RGS5: variants seen among roughly 807,000 people sequenced by gnomAD.
RGS5 encodes the protein regulator of G-protein signalling 5.
A neutral mutation model predicts 18.9 loss-of-function variants in RGS5; 20 were observed. That is an observed-to-expected ratio of 1.06 (90% CI 0.74 to 1.54). The LOEUF (loss-of-function observed/expected upper bound fraction) is 1.54. Among genes scored for constraint, RGS5 ranks in the 40% most tolerant of loss-of-function variants. The pLI is 0.00. For missense variants in RGS5, 201 were observed against 211.8 expected, an observed-to-expected ratio of 0.95 and a Z score of 0.32; for synonymous variants, 57 against 76.2, an observed-to-expected ratio of 0.75 and a Z score of 1.31.
chr1:163,205,929 A>T (rs1326830507), upstream of RGS5, among the ~76,000 whole-genome samples: 1 of 152,226 alleles, frequency 6.6e-6, no homozygotes, highest in East Asian at 1.9e-4. Context: ...CATGGTGAAC[A>T]GACGTCTATT....
At chr1:163,288,873 C>A (rs188319065) in intron 2 of RGS5, among the ~76,000 whole-genome samples, 2 of 152,144 alleles carry the variant, frequency 1.3e-5, no homozygotes, top group East Asian at 3.9e-4. Flanking sequence ...TTAGGCAACA[C>A]CATCTGTACT....
chr1:163,203,686 T>C (rs1659860143), upstream of RGS5, among the ~76,000 whole-genome samples: 1 of 152,330 alleles, frequency 6.6e-6, no homozygotes, highest in East Asian at 1.9e-4. Flanking sequence ...ATCTCTGAAC[T>C]CTGTTAATTC....
At chr1:163,290,696 T>G (rs116034316) in intron 2 of RGS5, among the ~76,000 whole-genome samples, 2,109 of 152,012 alleles carry the variant, frequency 0.014, 61 homozygotes, top group African/African-American at 0.048. Context: ...TCTCACACTT[T>G]AGGGCTTCCA....
chr1:163,222,989 C>A lies in RGS5; in HGVS notation c.-280-54621G>T, dbSNP rs562778048. 7.2e-5 allele frequency among the ~76,000 whole-genome samples: 11 copies of A among 152,184 alleles called. No individual in the cohort carries two copies. In the South Asian group the frequency reaches 2.1e-3, roughly 29 times the overall value. ...CCTCCCAAGTAGCTGTGATTACAGACGTGCACCACCACATTTGGCTAATTT... is the reference window on the plus strand; with the variant it reads ...CCTCCCAAGTAGCTGTGATTACAGAAGTGCACCACCACATTTGGCTAATTT... On this transcript the variant is annotated intron_variant, in intron 2 of 5. Transcript: ENST00000618415.
At chr1:163,167,763 G>A (rs1472708696) in intron 2 of RGS5, among the ~76,000 whole-genome samples, 2 of 152,182 alleles carry the variant, frequency 1.3e-5, no homozygotes, top group Non-Finnish European at 2.9e-5. Flanking sequence ...CTATCTTGGA[G>A]AAGGAACGAT....
intron 2 of RGS5, among the ~76,000 whole-genome samples, chr1:163,278,521 A>G (rs1468171785): frequency 1.3e-5 from 2 of 152,146 alleles, no homozygotes; most frequent in East Asian, 3.8e-4. Flanking sequence ...ATTATCATGA[A>G]AACACAGAAG....
At chr1:163,148,725 G>A (rs1316827346) in intron 4 of RGS5, among the ~76,000 whole-genome samples, 3 of 152,192 alleles carry the variant, frequency 2.0e-5, no homozygotes, top group Admixed American at 6.5e-5. Flanking sequence ...TAGGGTCTAC[G>A]TGAATGGTTC....
rs1657813874 is a variant in RGS5, at chr1:163,161,924, G to A, written c.208C>T (p.Gln70Ter). 1.2e-6 allele frequency: 2 copies of A among 1,612,624 alleles called. No individual in the cohort carries two copies. ...QWRDSLDKLL[Q>*]NNYGLASFKS... ...AACAATGGAAACTTACAGTTGTTCTGCAGGAGTTTGTCCAGGGAATCACGC... is the reference window on the plus strand; with the variant it reads ...AACAATGGAAACTTACAGTTGTTCTACAGGAGTTTGTCCAGGGAATCACGC... Residue 70 changes from glutamine to a stop codon, truncating the protein, a stop_gained, in exon 3 of 5, where the codon CAG becomes TAG. Transcript: ENST00000313961. LOFTEE classifies it high-confidence loss of function.
chr1:163,208,843 A>G (rs1660028917), intron 1 of RGS5, among the ~76,000 whole-genome samples: 1 of 152,150 alleles, frequency 6.6e-6, no homozygotes, highest in Non-Finnish European at 1.5e-5. Context: ...GCTAATAATC[A>G]GAGACTGGCA....
chr1:163,177,462 C>T (rs997484212), intron 1 of RGS5, among the ~76,000 whole-genome samples: 4 of 152,164 alleles, frequency 2.6e-5, no homozygotes, highest in African/African-American at 9.7e-5. Flanking sequence ...AAAAGTATGG[C>T]ACAGTTGGAT....
chr1:163,291,579 A>T (rs1649289501), intron 2 of RGS5, among the ~76,000 whole-genome samples: 2 of 152,158 alleles, frequency 1.3e-5, no homozygotes, highest in African/African-American at 4.8e-5. Flanking sequence ...ACTATTATAG[A>T]ATCTAAGATT....
At chr1:163,156,894 G>A (rs564635788) in intron 3 of RGS5, among the ~76,000 whole-genome samples, 152 of 152,194 alleles carry the variant, frequency 1.0e-3, no homozygotes, top group Non-Finnish European at 1.8e-3. Context: ...ACAGTGCTTG[G>A]CACATGATGA....
chr1:163,189,855 G>C lies in RGS5; in HGVS notation c.44+12937C>G, dbSNP rs1373194879. Among the ~76,000 whole-genome samples the C allele has an allele frequency of 3.9e-5, 6 of 152,214 alleles. No homozygotes were observed. In the East Asian group the frequency reaches 9.7e-4, roughly 25 times the overall value. On this transcript the variant is annotated intron_variant, in intron 1 of 4. Transcript: ENST00000313961. Reference sequence around the variant, plus strand: ...TAGAAACAGGAGTCTCATGCACCGTGGTACCAAAACCCACTGGTAAAGTCC... The same window carrying C: ...TAGAAACAGGAGTCTCATGCACCGTCGTACCAAAACCCACTGGTAAAGTCC...
At chr1:163,288,057 AT>A (rs904058201) in intron 2 of RGS5, among the ~76,000 whole-genome samples, 7 of 151,952 alleles carry the variant, frequency 4.6e-5, no homozygotes, top group Middle Eastern at 3.4e-3. Flanking sequence ...AAACGTATTA[AT>A]TTTTTTTCTA....
At chr1:163,178,567 C>A (rs1278266076) in intron 1 of RGS5, among the ~76,000 whole-genome samples, 1 of 152,040 alleles carries the variant, frequency 6.6e-6, no homozygotes, top group African/African-American at 2.4e-5. Flanking sequence ...TACCCTTAAC[C>A]AAGACGATAC....
At chr1:163,277,934 C>T (rs1648897739) in intron 2 of RGS5, among the ~76,000 whole-genome samples, 1 of 151,490 alleles carries the variant, frequency 6.6e-6, no homozygotes, top group Non-Finnish European at 1.5e-5. Flanking sequence ...AGAAAGAATT[C>T]CTAAAGTTGA....
At chr1:163,158,917 C>T (rs1000811192) in intron 3 of RGS5, among the ~76,000 whole-genome samples, 1 of 152,168 alleles carries the variant, frequency 6.6e-6, no homozygotes, top group East Asian at 1.9e-4. Flanking sequence ...CAACTACGAT[C>T]ATAAAAGACA....
intron 2 of RGS5, among the ~76,000 whole-genome samples, chr1:163,227,112 C>A (rs565338600): frequency 6.6e-6 from 1 of 152,266 alleles, no homozygotes; most frequent in African/African-American, 2.4e-5. Context: ...TTAGTCTATT[C>A]TTAATACACT....
chr1:163,188,481 T>C (rs1336191872), intron 1 of RGS5, among the ~76,000 whole-genome samples: 2 of 152,242 alleles, frequency 1.3e-5, no homozygotes, highest in Non-Finnish European at 2.9e-5. Context: ...CCAGGGCATA[T>C]AGTGTGAAGG....
Sources: allele counts gnomAD v4.1 joint callset (sites outside exome capture counted in the v4.1 genomes callset), GRCh38; gene constraint gnomAD v4.1.1; transcripts MANE v1.5; gene names NCBI Gene and HGNC (gene_info 2026-07-23, HGNC 2026-07-21).